Variants in PRDM7 observed in about 807,000 individuals in gnomAD.
PRDM7 encodes PR/SET domain 7, also known as histone-lysine N-methyltransferase PRDM7.
In PRDM7, 52 loss-of-function variants were observed where a neutral mutation model predicts 64.3. The ratio of observed to expected loss-of-function variants is 0.81; its 90% confidence interval spans 0.65 to 1.02. The LOEUF is 1.02. PRDM7 is among the 50% of genes least tolerant of loss of function. PRDM7 has a pLI of 0.00. For missense variants in PRDM7, 574 were observed against 597.1 expected, an observed-to-expected ratio of 0.96 and a Z score of 0.40; for synonymous variants, 192 against 210.1, an observed-to-expected ratio of 0.91 and a Z score of 0.74.
chr16:90,062,408 G>C lies in PRDM7; in HGVS notation c.603C>G (p.Asp201Glu), dbSNP rs546969668. The C allele has an allele frequency of 1.6e-5, 26 of 1,613,898 alleles. No homozygotes were observed. Among genetic ancestry groups the C allele is most frequent in the Non-Finnish European group, 2.0e-5 (24 of 1,179,888 alleles). ...GCTGAAAGGGTCACTCACAGAGGTA[G>C]TCATCATCCTGTGGCTCGCTGATCT... ...YKEISEPQDDDYLYCEMCQNF... is the reference protein window; with the variant it reads ...YKEISEPQDDEYLYCEMCQNF... The change falls in exon 7 of 11, where the codon GAC becomes GAG. Residue 201 changes from aspartate to glutamate, a missense_variant. Coordinates refer to ENST00000449207, the MANE Select transcript of PRDM7 (RefSeq NM_001098173.2).
At chr16:90,067,486 A>C (rs1366945317) in intron 4 of PRDM7, among the ~76,000 whole-genome samples, 1 of 151,236 alleles carries the variant, frequency 6.6e-6, no homozygotes, top group Non-Finnish European at 1.5e-5. Flanking sequence ...TGTTTATTAC[A>C]TTAATTTTTA....
intron 6 of PRDM7, 85 bp downstream of exon 6, chr16:90,063,527 A>C (rs2037818042): frequency 6.7e-7 from 1 of 1,491,194 alleles, no homozygotes; most frequent in Admixed American, 1.8e-5. Context: ...GGCCTATCCA[A>C]AGTCCACCCC....
rs368917504 is a variant in PRDM7, at chr16:90,062,085, G to C, written c.718C>G (p.Leu240Val). 3 of 1,614,254 alleles carry C rather than the reference G, an allele frequency of 1.9e-6. No individual in the cohort carries two copies. The highest frequency in any genetic ancestry group is 2.5e-6 in the Non-Finnish European group (3 of 1,180,038). Residue 240 changes from leucine to valine, a missense_variant, in exon 8 of 11, where the codon CTC becomes GTC. Leu to Val is a conservative substitution (Grantham distance 32). Coordinates refer to ENST00000449207, the MANE Select transcript of PRDM7 (RefSeq NM_001098173.2). ...VDKGHPNRSA[L>V]SLPPGLRIGP... ...ATTCTCAGCCCCGGGGGCAGACTGA[G>C]GGCTGAACGGTTGGGATGCCCCTTG...
rs1225914746 is a variant in PRDM7, at chr16:90,066,909, G to C, written c.303C>G (p.Val101=). 1 of 1,594,242 alleles carries C rather than the reference G, an allele frequency of 6.3e-7. No individual in the cohort carries two copies. Among genetic ancestry groups the C allele is most frequent in the African/African-American group, 1.4e-5 (1 of 72,848 alleles). The stretch of plus-strand genomic sequence containing the variant: ...CTCTGAAGGCCATCCAAGGAGGTTT[G>C]ACTAAGAGGTGATGAGAAATCAGTG... ...SDEEWTPRQQ[V]KPPWMAFRGE... Residue 101 remains valine, a splice_region_variant and synonymous_variant, in exon 5 of 11, where the codon GTC becomes GTG. Coordinates refer to ENST00000449207, the MANE Select transcript of PRDM7 (RefSeq NM_001098173.2).
rs1293961311 is a variant in PRDM7, at chr16:90,071,848, C to A, written c.301+3068G>T. ...TGGCGCTTCCACAAAAAATTAAAAC[C>A]AGAACTACCTTCTGATCCAGAAATT... On this transcript the variant is annotated intron_variant, in intron 4 of 10. Coordinates refer to ENST00000449207, the MANE Select transcript of PRDM7 (RefSeq NM_001098173.2). Among the ~76,000 whole-genome samples the A allele has an allele frequency of 5.9e-5, 9 of 152,178 alleles. No homozygotes were observed. The South Asian group carries it at 1.9e-3, about 32-fold the overall frequency.
In PRDM7 at chr16:90,075,515, A is replaced by C; in HGVS notation, c.70-41T>G. 1 of 1,614,166 alleles carries C rather than the reference A, an allele frequency of 6.2e-7. No individual in the cohort carries two copies. Among genetic ancestry groups the C allele is most frequent in the Non-Finnish European group, 8.5e-7 (1 of 1,180,016 alleles). On this transcript the variant is annotated intron_variant, in intron 2 of 10. Transcript: ENST00000449207. This position sits in a 1 kb window ranked among gnomAD's most constrained non-coding sequence, Gnocchi z 4.3. ...GATTCCATCAGTGATTTACTAATAC[A>C]CATCGAGCTGGTCCTTTTCCTCTAC...
Position 90,058,542 on chromosome 16 carries a change from A to G in PRDM7, c.1234-8T>C. The G allele has an allele frequency of 1.9e-6, 3 of 1,614,078 alleles. No individual in the cohort carries two copies. Among genetic ancestry groups the G allele is most frequent in the Non-Finnish European group, 2.5e-6 (3 of 1,179,942 alleles). Reference sequence around the variant, plus strand: ...GGATCTCTGGCTTTGGTTCTGAAAGAGGAAGTTTTTGGTCAGGGTAGATGT... The same window carrying G: ...GGATCTCTGGCTTTGGTTCTGAAAGGGGAAGTTTTTGGTCAGGGTAGATGT... On this transcript the variant is annotated splice_polypyrimidine_tract_variant and splice_region_variant and intron_variant, in intron 10 of 10. Transcript: ENST00000449207.
Position 90,067,653 on chromosome 16 carries a change from C to T in PRDM7, c.302-743G>A, listed in dbSNP as rs560639809. 1.7e-4 allele frequency among the ~76,000 whole-genome samples: 24 copies of T among 142,506 alleles called. No individual in the cohort carries two copies. The East Asian group carries it at 4.0e-3, about 24-fold the overall frequency. 93.5% of individuals were successfully genotyped at this position (142,506 alleles called of 152,430 possible). A position where few individuals can be genotyped will look rare whatever the true frequency, so the allele number is the denominator to read the frequency against. On this transcript the variant is annotated intron_variant, in intron 4 of 10. Coordinates refer to ENST00000449207, the MANE Select transcript of PRDM7 (RefSeq NM_001098173.2). Reference sequence around the variant, plus strand: ...TCACCCAGGCTGGAGTGCAGGGGCGCGAGGTCGGCTCACTGCAAGCTCTGC... The same window carrying T: ...TCACCCAGGCTGGAGTGCAGGGGCGTGAGGTCGGCTCACTGCAAGCTCTGC...
At position 90,062,074 on chromosome 16, in the gene PRDM7, G is replaced by C; in HGVS notation, c.729C>G (p.Pro243=). ...GHPNRSALSL[P]PGLRIGPSGI... ...CTGATGGCCCAATTCTCAGCCCCGG[G>C]GGCAGACTGAGGGCTGAACGGTTGG... Residue 243 remains proline, a synonymous_variant, in exon 8 of 11, where the codon CCC becomes CCG. Transcript: ENST00000449207. 1.9e-6 allele frequency: 3 copies of C among 1,614,250 alleles called. No homozygotes were observed. The highest frequency in any genetic ancestry group is 2.5e-6 in the Non-Finnish European group (3 of 1,180,038).
chr16:90,075,103 A>G lies in PRDM7; in HGVS notation c.194-80T>C. 6.7e-7 allele frequency: 1 copy of G among 1,485,418 alleles called. No individual in the cohort carries two copies. The highest frequency in any genetic ancestry group is 1.1e-5 in the South Asian group (1 of 87,328). 92.0% of individuals were successfully genotyped at this position (1,485,418 alleles called of 1,614,324 possible). A position where few individuals can be genotyped will look rare whatever the true frequency, so the allele number is the denominator to read the frequency against. ...AAGGGCAGTGGCAATGGAAAGCACCACAAAGCCAGTGCTGCTCAGTCTGAT... is the reference window on the plus strand; with the variant it reads ...AAGGGCAGTGGCAATGGAAAGCACCGCAAAGCCAGTGCTGCTCAGTCTGAT... On this transcript the variant is annotated intron_variant, in intron 3 of 10. Coordinates refer to ENST00000449207, the MANE Select transcript of PRDM7 (RefSeq NM_001098173.2). The surrounding 1 kb of genome is among the most constrained non-coding windows in gnomAD (Gnocchi z 4.3).
chr16:90,064,987 G>A (rs2037847692), intron 5 of PRDM7, among the ~76,000 whole-genome samples: 1 of 151,032 alleles, frequency 6.6e-6, no homozygotes. Context: ...TCAAAGTGCT[G>A]GGATTACAGG....
In PRDM7 at chr16:90,073,158, G is replaced by A. The variant is rs1412890722; in HGVS notation, c.301+1758C>T. Among the ~76,000 whole-genome samples, 8 of 152,120 alleles carry A rather than the reference G, an allele frequency of 5.3e-5. No homozygotes were observed. In the East Asian group the frequency reaches 1.2e-3, roughly 22 times the overall value. The stretch of plus-strand genomic sequence containing the variant: ...GCTCTCTCAAACCCGCTCCAGAATC[G>A]AGACAAAGAAGTAGATACATTTTGG... On this transcript the variant is annotated intron_variant, in intron 4 of 10. Coordinates refer to ENST00000449207, the MANE Select transcript of PRDM7 (RefSeq NM_001098173.2).
In PRDM7 at chr16:90,061,910, G is replaced by A; in HGVS notation, c.882+11C>T. 6.2e-7 allele frequency: 1 copy of A among 1,614,186 alleles called. No individual in the cohort carries two copies. Among genetic ancestry groups the A allele is most frequent in the South Asian group, 1.1e-5 (1 of 91,082 alleles). On this transcript the variant is annotated intron_variant, in intron 8 of 10. Coordinates refer to ENST00000449207, the MANE Select transcript of PRDM7 (RefSeq NM_001098173.2). ...GAAGACAGAACAGGGGAAACAGCAGGCTCTTCTTACTAGCCAGGAATATCC... is the reference window on the plus strand; with the variant it reads ...GAAGACAGAACAGGGGAAACAGCAGACTCTTCTTACTAGCCAGGAATATCC...
rs2038031544 is a variant in PRDM7 at position 90,075,980 on chromosome 16, C to G, written c.-70G>C. ...GGAAGGGCCCCTGAGTCTCCCAGCT[C>G]CTAGGCCAAAGGCTCCTGTGGAAGG... On this transcript the variant is annotated 5_prime_UTR_variant, in exon 2 of 11. Transcript: ENST00000449207. The surrounding 1 kb of genome is among the most constrained non-coding windows in gnomAD (Gnocchi z 4.3). The G allele has an allele frequency of 2.0e-6, 3 of 1,536,482 alleles. No individual in the cohort carries two copies. The highest frequency in any genetic ancestry group is 1.8e-6 in the Non-Finnish European group (2 of 1,124,412).
In PRDM7 at chr16:90,058,129, C is replaced by G; in HGVS notation, c.*160G>C. Reference sequence around the variant, plus strand: ...TTTGACTTTCGCAATTCTTGAGATTCCTACCCCCACAAATAATTTGCCTGT... The same window carrying G: ...TTTGACTTTCGCAATTCTTGAGATTGCTACCCCCACAAATAATTTGCCTGT... On this transcript the variant is annotated 3_prime_UTR_variant, in exon 11 of 11. Transcript: ENST00000449207. 1.2e-6 allele frequency: 2 copies of G among 1,614,164 alleles called. No individual in the cohort carries two copies. Among genetic ancestry groups the G allele is most frequent in the Admixed American group, 1.7e-5 (1 of 60,022 alleles).
rs755141182 is a variant in PRDM7 at position 90,063,786 on chromosome 16, C to T, written c.352-18G>A. 7.4e-6 allele frequency: 12 copies of T among 1,613,606 alleles called. No individual in the cohort carries two copies. In the East Asian group the frequency reaches 2.4e-4, roughly 33 times the overall value. The stretch of plus-strand genomic sequence containing the variant: ...GGCATTCCCTTTAATGTGAGAATCA[C>T]ATATTAAAAGACAACGTGCATTTAT... On this transcript the variant is annotated intron_variant, in intron 5 of 10. Coordinates refer to ENST00000449207, the MANE Select transcript of PRDM7 (RefSeq NM_001098173.2).
At position 90,064,780 on chromosome 16, in the gene PRDM7, A is replaced by G. The variant is rs538326657; in HGVS notation, c.352-1012T>C. 1.0e-4 allele frequency among the ~76,000 whole-genome samples: 15 copies of G among 150,040 alleles called. 1 individual carries two copies. The South Asian group carries it at 1.9e-3, about 19-fold the overall frequency. ...GTTGCCTAAGCTGGAGTGCAGTGGC[A>G]CGATCTCAGCTAACTGCAGCCTCCA... is the stretch of plus-strand genomic sequence containing the variant. On this transcript the variant is annotated intron_variant, in intron 5 of 10. Transcript: ENST00000449207.
intron 4 of PRDM7, among the ~76,000 whole-genome samples, chr16:90,073,304 G>T (rs979365691): frequency 6.6e-6 from 1 of 151,830 alleles, no homozygotes; most frequent in African/African-American, 2.4e-5. Context: ...AAGCTTTTTT[G>T]TGGATTTGCA....
At chr16:90,066,252 C>A (rs186479124) in intron 5 of PRDM7, among the ~76,000 whole-genome samples, 1 of 151,274 alleles carries the variant, frequency 6.6e-6, no homozygotes, top group South Asian at 2.1e-4. Context: ...GGGTAGGGAC[C>A]CTATCTTCTT....
Sources: gnomAD v4.1 joint callset for allele counts (sites outside exome capture counted in the v4.1 genomes callset) on GRCh38, gnomAD v4.1.1 for gene constraint, Gnocchi (gnomAD v3.1) non-coding constraint, MANE v1.5 for transcripts, NCBI Gene and HGNC (gene_info 2026-07-23, HGNC 2026-07-21) for gene names.